Variants in ZNG1B observed in about 807,000 individuals in gnomAD.
ZNG1B encodes the protein Zn regulated GTPase metalloprotein activator 1B.
At chr2:113,476,283 G>A in the ZNG1B span, among the ~76,000 whole-genome samples, 171 of 151,648 alleles carry the variant, frequency 1.1e-3, no homozygotes, top group Middle Eastern at 3.4e-3. Context: ...TGATCGCATC[G>A]GCTCCTGAGG....
the ZNG1B span, among the ~76,000 whole-genome samples, chr2:113,463,375 T>C: frequency 6.6e-6 from 1 of 152,180 alleles, no homozygotes; most frequent in African/African-American, 2.4e-5. Context: ...TTATAAGTTC[T>C]ACTGACATTA....
At chr2:113,494,729 CT>C in the ZNG1B span, 1 of 928,820 alleles carries the variant, frequency 1.1e-6, no homozygotes, top group Admixed American at 6.2e-5. Context: ...AATCAAACTC[CT>C]TTAACTTCTC....
chr2:113,440,887 G>A, the ZNG1B span, among the ~76,000 whole-genome samples: 1 of 143,320 alleles, frequency 7.0e-6, no homozygotes, highest in Non-Finnish European at 1.5e-5. Context: ...CCACCTGCTG[G>A]ATAAAGTTGG....
chr2:113,475,474 A>G, the ZNG1B span, among the ~76,000 whole-genome samples: 1 of 149,856 alleles, frequency 6.7e-6, no homozygotes, highest in Non-Finnish European at 1.5e-5. Flanking sequence ...TAATTGGAGC[A>G]TTTAGTCCAT....
At chr2:113,472,453 G>C in the ZNG1B span, among the ~76,000 whole-genome samples, 1 of 151,714 alleles carries the variant, frequency 6.6e-6, no homozygotes, top group East Asian at 1.9e-4. Context: ...CACTCTGATG[G>C]TAGTTTCTTT....
At chr2:113,442,421 T>G in the ZNG1B span, among the ~76,000 whole-genome samples, 32,336 of 151,348 alleles carry the variant, frequency 0.21, 3,554 homozygotes, top group East Asian at 0.52. Context: ...CTATTTTTTT[T>G]CAGTTGTAAA....
the ZNG1B span, among the ~76,000 whole-genome samples, chr2:113,483,369 C>T: frequency 2.6e-5 from 4 of 152,118 alleles, no homozygotes; most frequent in Non-Finnish European, 4.4e-5. Flanking sequence ...AGAGTCTATA[C>T]ATTCCTTACG....
chr2:113,476,221 T>C, the ZNG1B span, among the ~76,000 whole-genome samples: 1 of 152,206 alleles, frequency 6.6e-6, no homozygotes, highest in Admixed American at 6.5e-5. Context: ...ACTTCCCTTC[T>C]TGCTTCATTT....
chr2:113,473,056 A>G, the ZNG1B span, among the ~76,000 whole-genome samples: 49 of 150,336 alleles, frequency 3.3e-4, no homozygotes, highest in Non-Finnish European at 6.4e-4. Flanking sequence ...GATGGCATTG[A>G]ATCTGTAAAT....
the ZNG1B span, among the ~76,000 whole-genome samples, chr2:113,446,813 C>G: frequency 6.9e-6 from 1 of 144,330 alleles, no homozygotes; most frequent in Non-Finnish European, 1.5e-5. Flanking sequence ...CACACACATT[C>G]ATACACACAC....
At chr2:113,489,928 C>G in the ZNG1B span, among the ~76,000 whole-genome samples, 4 of 148,682 alleles carry the variant, frequency 2.7e-5, no homozygotes, top group African/African-American at 1.0e-4. Flanking sequence ...GATTTTAATA[C>G]TCCACTGACA....
the ZNG1B span, among the ~76,000 whole-genome samples, chr2:113,477,192 C>T: frequency 1.1e-4 from 16 of 152,198 alleles, no homozygotes; most frequent in African/African-American, 2.9e-4. Flanking sequence ...TGGGACCCTC[C>T]GAGCCAGGTG....
the ZNG1B span, among the ~76,000 whole-genome samples, chr2:113,478,866 G>A: frequency 0.054 from 8,180 of 150,842 alleles, 778 homozygotes; most frequent in African/African-American, 0.19. Context: ...GGACAGGCAG[G>A]GCAGTTATTC....
At chr2:113,474,930 A>C in the ZNG1B span, among the ~76,000 whole-genome samples, 2 of 147,818 alleles carry the variant, frequency 1.4e-5, no homozygotes, top group Admixed American at 6.7e-5. Context: ...ATTTTGGAAT[A>C]GGTGTGGTGT....
At chr2:113,472,798 A>C in the ZNG1B span, among the ~76,000 whole-genome samples, 3 of 151,820 alleles carry the variant, frequency 2.0e-5, no homozygotes, top group Admixed American at 6.6e-5. Context: ...ATAGTTGTAG[A>C]TATGCGGCGT....
the ZNG1B span, among the ~76,000 whole-genome samples, chr2:113,463,400 C>T: frequency 6.6e-6 from 1 of 152,052 alleles, no homozygotes; most frequent in African/African-American, 2.4e-5. Context: ...TTGAATCTGT[C>T]ATCTCAGTTC....
the ZNG1B span, chr2:113,495,364 C>G: frequency 1.9e-4 from 255 of 1,334,628 alleles, 32 homozygotes; most frequent in African/African-American, 4.0e-3. Context: ...ACTAAATAAG[C>G]TTGTGGTCAA....
chr2:113,479,074 C>T, the ZNG1B span, among the ~76,000 whole-genome samples: 1 of 151,454 alleles, frequency 6.6e-6, no homozygotes, highest in Non-Finnish European at 1.5e-5. Context: ...CAGCATTTTG[C>T]TTTTCTAGTT....
chr2:113,439,072 A>T, the ZNG1B span: 1 of 1,542,504 alleles, frequency 6.5e-7, no homozygotes, highest in Non-Finnish European at 8.8e-7. Context: ...GTCCAAAACA[A>T]TGTATTTCAA....
Sources: allele counts gnomAD v4.1 joint callset (sites outside exome capture counted in the v4.1 genomes callset), GRCh38; gene constraint gnomAD v4.1.1; transcripts MANE v1.5; gene names NCBI Gene and HGNC (gene_info 2026-07-23, HGNC 2026-07-21).